Variants in PARD3B observed in about 807,000 individuals in gnomAD.
PARD3B encodes the protein partitioning defective 3 homolog B.
Under a neutral mutation model 130.2 loss-of-function variants are expected in PARD3B, and 103 were observed. The observed-to-expected ratio is 0.79, with a 90% confidence interval of 0.67 to 0.93. The LOEUF (loss-of-function observed/expected upper bound fraction) is 0.93. PARD3B is among the 40% of genes least tolerant of loss of function. The probability of loss-of-function intolerance (pLI) is 0.00; values close to 1 mark genes in which losing one functional copy is unlikely to be tolerated. For missense variants in PARD3B, 1,609 were observed against 1,499.2 expected (o/e 1.07, Z -1.21); for synonymous variants, 583 against 553.2 (o/e 1.05, Z -0.76).
intron 4 of PARD3B, chr2:205,048,522 C>T (rs1037334937): frequency 6.6e-6 from 1 of 152,080 alleles, no homozygotes; most frequent in African/African-American, 2.4e-5. Flanking sequence ...AGGTAATCTT[C>T]GATAACATAG....
At chr2:204,766,831 A>T (rs2041173259) in intron 2 of PARD3B, among the ~76,000 whole-genome samples, 1 of 151,156 alleles carries the variant, frequency 6.6e-6, no homozygotes, top group Non-Finnish European at 1.5e-5. Context: ...AAAAGCAAAC[A>T]TTAGAGATTA....
chr2:205,184,769 C>T lies in PARD3B; in HGVS notation c.1925-995C>T, dbSNP rs191404090. ...AAATAATAATAATAATAAATATATA[C>T]ACACACACACACATATATATATATA... On this transcript the variant is annotated intron_variant, in intron 13 of 22. Transcript: ENST00000406610. Among the ~76,000 whole-genome samples the T allele has an allele frequency of 2.4e-3, 366 of 150,596 alleles. 3 individuals are homozygous for T. Among genetic ancestry groups the T allele is most frequent in the African/African-American group, 7.9e-3 (321 of 40,814 alleles).
chr2:204,960,615 G>T (rs1690662255), intron 2 of PARD3B, among the ~76,000 whole-genome samples: 1 of 151,982 alleles, frequency 6.6e-6, no homozygotes, highest in Non-Finnish European at 1.5e-5. Flanking sequence ...GGTGTCTTTT[G>T]TTGTTGTGTT....
chr2:205,373,995 C>T (rs1173352122), intron 18 of PARD3B, among the ~76,000 whole-genome samples: 1 of 152,034 alleles, frequency 6.6e-6, no homozygotes, highest in Non-Finnish European at 1.5e-5. Context: ...ACTTAGCTTG[C>T]CCAGTGGAGA....
chr2:205,235,990 C>T (rs893783896), intron 15 of PARD3B, among the ~76,000 whole-genome samples: 5 of 152,200 alleles, frequency 3.3e-5, no homozygotes, highest in South Asian at 2.1e-4. Flanking sequence ...TAAAACAAGA[C>T]GTGTGAACAT....
At chr2:205,065,150 C>T (rs1028292409) in intron 4 of PARD3B, among the ~76,000 whole-genome samples, 1 of 152,204 alleles carries the variant, frequency 6.6e-6, no homozygotes, top group Admixed American at 6.5e-5. Flanking sequence ...ATGAGGTCAG[C>T]TATTTCCACA....
intron 20 of PARD3B, among the ~76,000 whole-genome samples, chr2:205,454,776 T>C (rs2106206568): frequency 6.6e-6 from 1 of 152,280 alleles, no homozygotes; most frequent in South Asian, 2.1e-4. Flanking sequence ...CTATGCCCTC[T>C]ACTGATTTAT....
intron 4 of PARD3B, among the ~76,000 whole-genome samples, chr2:205,100,275 T>A (rs1221088310): frequency 1.3e-5 from 2 of 152,146 alleles, no homozygotes; most frequent in Non-Finnish European, 2.9e-5. Context: ...AAATATCAGT[T>A]TTTTTCTTTG....
chr2:204,783,179 C>A (rs1386751346), intron 2 of PARD3B, among the ~76,000 whole-genome samples: 1 of 152,240 alleles, frequency 6.6e-6, no homozygotes, highest in South Asian at 2.1e-4. Context: ...GGAGACAATG[C>A]AGTTTAGAAC....
At chr2:204,577,042 G>C (rs993253788) in intron 1 of PARD3B, among the ~76,000 whole-genome samples, 2 of 152,050 alleles carry the variant, frequency 1.3e-5, no homozygotes, top group African/African-American at 4.8e-5. Flanking sequence ...CTTGGGGGGG[G>C]ATGGGATAGT....
intron 20 of PARD3B, among the ~76,000 whole-genome samples, chr2:205,481,459 C>T (rs779086213): frequency 1.3e-5 from 2 of 151,996 alleles, no homozygotes; most frequent in Non-Finnish European, 2.9e-5. Context: ...GAGTCAGGAG[C>T]GGAGAGACTA....
intron 21 of PARD3B, among the ~76,000 whole-genome samples, chr2:205,519,584 A>G (rs1559171536): frequency 6.6e-6 from 1 of 151,878 alleles, no homozygotes; most frequent in Non-Finnish European, 1.5e-5. Context: ...GTGTCATTCT[A>G]GCCAATTCAA....
chr2:204,908,021 T>A (rs769493458), intron 2 of PARD3B, among the ~76,000 whole-genome samples: 4 of 152,066 alleles, frequency 2.6e-5, no homozygotes, highest in Non-Finnish European at 5.9e-5. Flanking sequence ...TTTTTTAAGT[T>A]CCCTTCTAAC....
chr2:205,430,209 A>T (rs1201391539), intron 19 of PARD3B, among the ~76,000 whole-genome samples: 1 of 152,166 alleles, frequency 6.6e-6, no homozygotes, highest in South Asian at 2.1e-4. Context: ...TGCCCTCCAT[A>T]TATGCAGGTT....
chr2:205,474,971 A>G (rs2048975481), intron 20 of PARD3B, among the ~76,000 whole-genome samples: 1 of 152,164 alleles, frequency 6.6e-6, no homozygotes, highest in East Asian at 1.9e-4. Context: ...GCCGTGAGTC[A>G]TTACCAGGAG....
At chr2:204,806,123 A>T (rs1016154047) in intron 2 of PARD3B, among the ~76,000 whole-genome samples, 1 of 152,058 alleles carries the variant, frequency 6.6e-6, no homozygotes, top group Non-Finnish European at 1.5e-5. Flanking sequence ...CTTCAAAAAA[A>T]TAGGGAAAAA....
intron 2 of PARD3B, among the ~76,000 whole-genome samples, chr2:204,780,372 G>A (rs185009566): frequency 6.6e-6 from 1 of 152,202 alleles, no homozygotes; most frequent in Non-Finnish European, 1.5e-5. Context: ...AAGCAGTTTG[G>A]CCTTTGATAG....
At chr2:204,941,589 A>G (rs1688908591) in intron 2 of PARD3B, among the ~76,000 whole-genome samples, 1 of 152,192 alleles carries the variant, frequency 6.6e-6, no homozygotes, top group Non-Finnish European at 1.5e-5. Context: ...AGTTAAACTC[A>G]TTATAAATTC....
intron 4 of PARD3B, among the ~76,000 whole-genome samples, chr2:205,103,345 G>GTAAAATAAATATATTTTTATTTATA: frequency 7.5e-6 from 1 of 134,114 alleles, no homozygotes; most frequent in Non-Finnish European, 1.6e-5. Context: ...TTTTATTTAT[G>GTAAAATAAATATATTTTTATTTATA]TAAAATAAAT....
Sources: allele counts gnomAD v4.1 joint callset (sites outside exome capture counted in the v4.1 genomes callset), GRCh38; gene constraint gnomAD v4.1.1; transcripts MANE v1.5; gene names NCBI Gene and HGNC (gene_info 2026-07-23, HGNC 2026-07-21).